The following SPTB variants were observed in gnomAD, a reference collection of about 807,000 sequenced individuals.
SPTB encodes the protein spectrin beta, erythrocytic, also known as spectrin beta chain, erythrocytic.
Under a neutral mutation model 256.2 loss-of-function variants are expected in SPTB, and 45 were observed. The ratio of observed to expected loss-of-function variants is 0.18; its 90% CI spans 0.14 to 0.23. The LOEUF (loss-of-function observed/expected upper bound fraction) is 0.23, where lower values mean the gene tolerates loss of function less well. SPTB is among the 10% of genes least tolerant of loss of function. The pLI, the probability that SPTB is intolerant of heterozygous loss-of-function variation, is 1.00. For missense variants in SPTB, 2,715 were observed against 3,040.4 expected, an observed-to-expected ratio of 0.89 and a Z score of 2.52; for synonymous variants, 1,231 against 1,243.1, an observed-to-expected ratio of 0.99 and a Z score of 0.21.
intron 32 of SPTB, among the ~76,000 whole-genome samples, chr14:64,765,781 G>A (rs558435417): frequency 2.6e-5 from 4 of 152,122 alleles, no homozygotes; most frequent in African/African-American, 4.8e-5. Context: ...TGGGGCAGGT[G>A]GGATGGGACA....
chr14:64,772,758 A>T lies in SPTB; in HGVS notation c.5375T>A (p.Leu1792Gln), dbSNP rs768086142. 4.3e-6 allele frequency: 7 copies of T among 1,613,974 alleles called. No individual in the cohort carries two copies. The highest frequency in any genetic ancestry group is 5.9e-6 in the Non-Finnish European group (7 of 1,180,034). Reference sequence around the variant, plus strand: ...GTGCAGGTCATAGGAGGCGGCCAGCAGCTGCATGCGCGTGTCAATGAGCTC... The same window carrying T: ...GTGCAGGTCATAGGAGGCGGCCAGCTGCTGCATGCGCGTGTCAATGAGCTC... Reference protein sequence around the residue: ...LLELIDTRMQLLAASYDLHRY... With the variant: ...LLELIDTRMQQLAASYDLHRY... Residue 1792 changes from leucine (L) to glutamine (Q), a missense_variant, in exon 26 of 36, where the codon CTG becomes CAG. This residue lies in a region of SPTB where 2,239 missense variants were observed against 2,384.4 expected (regional missense o/e 0.94). Coordinates refer to ENST00000644917, the MANE Select transcript of SPTB (RefSeq NM_001355436.2). This position sits in a 1 kb window ranked among gnomAD's most constrained non-coding sequence, Gnocchi z 5.4.
chr14:64,767,222 A>G, intron 31 of SPTB, 81 bp downstream of exon 31: 2 of 1,567,278 alleles, frequency 1.3e-6, no homozygotes, highest in East Asian at 2.2e-5. Flanking sequence ...ACTGGTCCCA[A>G]TGTCAGGTTT....
rs774090409 is a variant in SPTB, at chr14:64,779,967, G to A, written c.4267-36C>T. On this transcript the variant is annotated intron_variant, in intron 20 of 35. Coordinates refer to ENST00000644917, the MANE Select transcript of SPTB (RefSeq NM_001355436.2). This position sits in a 1 kb window ranked among gnomAD's most constrained non-coding sequence, Gnocchi z 4.2. ...AGGGGACGGTGTCAGCACCAGCCTT[G>A]GCACCTGCACAGCCCCTCCATCTTC... is the stretch of plus-strand genomic sequence containing the variant. 3.8e-6 allele frequency: 6 copies of A among 1,573,364 alleles called. No homozygotes were observed. The South Asian group carries it at 5.5e-5, about 15-fold the overall frequency.
chr14:64,851,959 C>T (rs2139777776), intron 1 of SPTB, among the ~76,000 whole-genome samples: 1 of 152,232 alleles, frequency 6.6e-6, no homozygotes, highest in Admixed American at 6.5e-5. Flanking sequence ...GTGCAGAAAA[C>T]CACCAGGGCA....
intron 2 of SPTB, among the ~76,000 whole-genome samples, chr14:64,814,611 G>T (rs1313461659): frequency 6.6e-6 from 1 of 152,196 alleles, no homozygotes; most frequent in African/African-American, 2.4e-5. Flanking sequence ...TGCCTCCTGG[G>T]TTCAAGCAAA....
Position 64,827,077 on chromosome 14 carries a change from TTGGTTAAGAAC to T in SPTB, c.-51-3943_-51-3933del, listed in dbSNP as rs2083387109. Among the ~76,000 whole-genome samples, 1 of 152,112 alleles carries T rather than the reference TTGGTTAAGAAC, an allele frequency of 6.6e-6. No individual in the cohort carries two copies. The highest frequency in any genetic ancestry group is 2.4e-5 in the African/African-American group (1 of 41,414). ...GTGCTATGTCCAGTTACTCCCTGGG[TTGGTTAAGAAC>T]TGAGAAAGCAGTGGTAGCAGCTCCT... On this transcript the variant is annotated intron_variant, in intron 1 of 35. Coordinates refer to ENST00000644917, the MANE Select transcript of SPTB (RefSeq NM_001355436.2). This position sits in a 1 kb window ranked among gnomAD's most constrained non-coding sequence, Gnocchi z 4.6.
At position 64,802,733 on chromosome 14, in the gene SPTB, A is replaced by C. The variant is rs74056021; in HGVS notation, c.475-416T>G. On this transcript the variant is annotated intron_variant, in intron 4 of 35. Coordinates refer to ENST00000644917, the MANE Select transcript of SPTB (RefSeq NM_001355436.2). This position sits in a 1 kb window ranked among gnomAD's most constrained non-coding sequence, Gnocchi z 5.1. ...AAGGAGTAGCCGCCAGCCCCGCAGC[A>C]ACACCACATCCTGAGGCCCTGTGCC... Among the ~76,000 whole-genome samples, 10,690 of 152,298 alleles carry C rather than the reference A, an allele frequency of 0.07. 514 individuals are homozygous for C. Among genetic ancestry groups the C allele is most frequent in the East Asian group, 0.2 (1,023 of 5,182 alleles).
At chr14:64,836,450 T>C (rs1214429833) in intron 1 of SPTB, among the ~76,000 whole-genome samples, 1 of 152,142 alleles carries the variant, frequency 6.6e-6, no homozygotes, top group Non-Finnish European at 1.5e-5. Flanking sequence ...ACAAATAACA[T>C]GCAGTGTCTC....
rs548501660 is a variant in SPTB, at chr14:64,857,734, C to T, written c.-52+22058G>A. Among the ~76,000 whole-genome samples, 32 of 152,100 alleles carry T rather than the reference C, an allele frequency of 2.1e-4. No individual in the cohort carries two copies. The South Asian group carries it at 6.0e-3, about 29-fold the overall frequency. ...TTCTAAATTGTTGTTTTATTAATTA[C>T]TCTATTTACTATTGCTAGAAAGATG... On this transcript the variant is annotated intron_variant, in intron 1 of 35. Coordinates refer to ENST00000644917, the MANE Select transcript of SPTB (RefSeq NM_001355436.2).
intron 18 of SPTB, among the ~76,000 whole-genome samples, chr14:64,784,887 A>G (rs2082538175): frequency 6.6e-6 from 1 of 152,254 alleles, no homozygotes; most frequent in Non-Finnish European, 1.5e-5. Flanking sequence ...ACCCCATTCC[A>G]TGTAGAAAGT....
chr14:64,790,853 C>A lies in SPTB; in HGVS notation c.2804+866G>T, dbSNP rs888173864. ...GGAACTCATGGGCAATTTCACCCCACACTGAAAGCACCCCCTCTCTAAAGG... is the reference window on the plus strand; with the variant it reads ...GGAACTCATGGGCAATTTCACCCCAAACTGAAAGCACCCCCTCTCTAAAGG... On this transcript the variant is annotated intron_variant, in intron 15 of 35. Coordinates refer to ENST00000644917, the MANE Select transcript of SPTB (RefSeq NM_001355436.2). This position sits in a 1 kb window ranked among gnomAD's most constrained non-coding sequence, Gnocchi z 4.8. Among the ~76,000 whole-genome samples, 6 of 152,218 alleles carry A rather than the reference C, an allele frequency of 3.9e-5. No homozygotes were observed. Among genetic ancestry groups the A allele is most frequent in the African/African-American group, 1.4e-4 (6 of 41,458 alleles).
At position 64,749,348 on chromosome 14, in the gene SPTB, T is replaced by C; in HGVS notation, c.6945A>G (p.Lys2315=). 1.2e-6 allele frequency: 2 copies of C among 1,610,490 alleles called. No homozygotes were observed. The highest frequency in any genetic ancestry group is 1.1e-5 in the South Asian group (1 of 90,866). Residue 2315 remains lysine, a synonymous_variant, in exon 36 of 36, where the codon AAA becomes AAG. Transcript: ENST00000644917. The surrounding 1 kb of genome is among the most constrained non-coding windows in gnomAD (Gnocchi z 4.7). ...AGAAGCTGAATCTCTTCTCCTTGTC[T>C]TTCTTGCCGAGGCTGGCGTCGGGGC... ...LSGPDASLGK[K]DKEKRFSFFP...
At chr14:64,814,063 T>C (rs1258239354) in intron 2 of SPTB, among the ~76,000 whole-genome samples, 2 of 152,218 alleles carry the variant, frequency 1.3e-5, no homozygotes, top group East Asian at 3.8e-4. Context: ...GCGATATAGC[T>C]AGGGGTGATT....
chr14:64,794,612 G>A lies in SPTB; in HGVS notation c.1650C>T (p.His550=). 1.2e-6 allele frequency: 2 copies of A among 1,614,198 alleles called. No homozygotes were observed. Among genetic ancestry groups the A allele is most frequent in the Non-Finnish European group, 1.7e-6 (2 of 1,180,032 alleles). ...GCTTCCCAAACTCGGCAGACAAGAG[G>A]TGAGCCTGGCAAAGAGAACAGCAGA... The part of the protein sequence containing the change: ...SIDWMDEIKA[H]LLSAEFGKHL... The change falls in exon 13 of 36, where the codon CAC becomes CAT. Residue 550 remains histidine (H), a synonymous_variant. Transcript: ENST00000644917.
At chr14:64,861,783 T>C (rs72726248) in intron 1 of SPTB, among the ~76,000 whole-genome samples, 4,820 of 152,276 alleles carry the variant, frequency 0.032, 112 homozygotes, top group South Asian at 0.12. Flanking sequence ...TCCACGAAAA[T>C]TGCTTTCTTG....
intron 24 of SPTB, 75 bp downstream of exon 24, chr14:64,774,322 T>C (rs1201492355): frequency 2.0e-6 from 3 of 1,510,918 alleles, no homozygotes. Flanking sequence ...CTTTTAAATC[T>C]GAAGGGACGT....
At chr14:64,858,621 G>T (rs553898521) in intron 1 of SPTB, among the ~76,000 whole-genome samples, 4 of 152,214 alleles carry the variant, frequency 2.6e-5, no homozygotes, top group Admixed American at 6.5e-5. Context: ...AGACAGGAAA[G>T]GAGGGAAGAA....
Position 64,785,405 on chromosome 14 carries a change from C to G in SPTB, c.3855+132G>C, listed in dbSNP as rs549453816. ...TCCAGAGAATGACCCAATTAAGTAC[C>G]CAGAGGTCCCCGCTCATGGAATCCC... On this transcript the variant is annotated intron_variant, in intron 18 of 35. Transcript: ENST00000644917. The surrounding 1 kb of genome is among the most constrained non-coding windows in gnomAD (Gnocchi z 4.4). The G allele has an allele frequency of 1.8e-5, 14 of 795,728 alleles. No individual in the cohort carries two copies. In the African/African-American group the frequency reaches 2.4e-4, roughly 14 times the overall value. The allele number at this position is 795,728 out of a possible 1,614,324, so 49.3% of individuals were successfully genotyped here. A position where few individuals can be genotyped will look rare whatever the true frequency, so the allele number is the denominator to read the frequency against.
intron 33 of SPTB, among the ~76,000 whole-genome samples, chr14:64,751,404 GC>G (rs1001125730): frequency 6.6e-6 from 1 of 152,042 alleles, no homozygotes; most frequent in Non-Finnish European, 1.5e-5. Context: ...ACAGTCCTGA[GC>G]CACCACGCCC....
Sources: allele counts gnomAD v4.1 joint callset (sites outside exome capture counted in the v4.1 genomes callset), GRCh38; gene constraint gnomAD v4.1.1; regional missense constraint gnomAD v4.1.1; non-coding constraint Gnocchi (gnomAD v3.1); transcripts MANE v1.5; gene names NCBI Gene and HGNC (gene_info 2026-07-23, HGNC 2026-07-21).